The following MGST1 variants were observed in gnomAD, a reference collection of about 807,000 sequenced individuals.
MGST1 encodes the protein microsomal glutathione S-transferase 1.
Under a neutral mutation model 8.9 loss-of-function variants are expected in MGST1, and 5 were observed. The observed-to-expected ratio is 0.56, with a 90% confidence interval of 0.29 to 1.19. The LOEUF is 1.19. Ranked by LOEUF, MGST1 falls within the 50% of genes most tolerant of loss-of-function variation. MGST1 has a pLI of 0.08. For missense variants in MGST1, 182 were observed against 187.4 expected (o/e 0.97, Z 0.17); for synonymous variants, 54 against 67.8 (o/e 0.80, Z 1.00).
chr12:16,530,562 T>C (rs911637130), intron 4 of MGST1, among the ~76,000 whole-genome samples: 2 of 152,150 alleles, frequency 1.3e-5, no homozygotes, highest in South Asian at 4.1e-4. Flanking sequence ...TGCTGGCAAA[T>C]GGGAAAGAAG....
intron 4 of MGST1, among the ~76,000 whole-genome samples, chr12:16,505,772 A>G (rs533048914): frequency 3.3e-5 from 5 of 152,318 alleles, no homozygotes; most frequent in African/African-American, 9.6e-5. Flanking sequence ...TTCCATGCCT[A>G]AATACATTTG....
At chr12:16,506,921 T>C (rs1941541797) in intron 4 of MGST1, among the ~76,000 whole-genome samples, 1 of 152,204 alleles carries the variant, frequency 6.6e-6, no homozygotes, top group African/African-American at 2.4e-5. Context: ...AAGATAGTGA[T>C]GCTGCTGAAA....
chr12:16,515,584 C>T (rs1017151248), intron 4 of MGST1, among the ~76,000 whole-genome samples: 16 of 146,586 alleles, frequency 1.1e-4, no homozygotes, highest in South Asian at 2.1e-4. Flanking sequence ...GAGCCAAGAT[C>T]GTGCCATTGC....
At chr12:16,479,776 C>T (rs923570497) in intron 4 of MGST1, among the ~76,000 whole-genome samples, 6 of 150,688 alleles carry the variant, frequency 4.0e-5, no homozygotes, top group African/African-American at 7.3e-5. Context: ...CCTCAAGCAA[C>T]GCTCCTGCCT....
rs1940653994 is a variant in MGST1 at position 16,401,321 on chromosome 12, G to T, written n.778+17717G>T. On this transcript the variant is annotated intron_variant and non_coding_transcript_variant, in intron 1 of 1. Coordinates refer to the MGST1 transcript ENST00000359720. The surrounding 1 kb of genome is among the most constrained non-coding windows in gnomAD (Gnocchi z 4.3). The stretch of plus-strand genomic sequence containing the variant: ...ACCATTCCTGTCTTCAGTTTGTATT[G>T]ATTTTTACTATTGATTACTAGGAAG... The T allele has an allele frequency of 2.1e-6, 3 of 1,400,452 alleles. No homozygotes were observed. The South Asian group carries it at 3.5e-5, about 16-fold the overall frequency. The allele number at this position is 1,400,452 out of a possible 1,614,324, so 86.8% of individuals were successfully genotyped here.
chr12:16,403,957 T>C (rs1203697252), intron 1 of MGST1, among the ~76,000 whole-genome samples: 4 of 152,212 alleles, frequency 2.6e-5, no homozygotes, highest in Non-Finnish European at 5.9e-5. Flanking sequence ...AGATGAAATT[T>C]GGGTGGAACT....
At chr12:16,465,561 C>T (rs999664448) in intron 4 of MGST1, among the ~76,000 whole-genome samples, 3 of 152,098 alleles carry the variant, frequency 2.0e-5, no homozygotes, top group Admixed American at 2.0e-4. Flanking sequence ...GTAAACTGCA[C>T]GTGACGGATC....
intron 1 of MGST1, among the ~76,000 whole-genome samples, chr12:16,421,502 G>A (rs1221878308): frequency 1.3e-5 from 2 of 152,068 alleles, no homozygotes; most frequent in African/African-American, 4.8e-5. Flanking sequence ...TATTTACTGA[G>A]GACATAATAA....
At position 16,584,456 on chromosome 12, in the gene MGST1, C is replaced by T. The variant is rs1324359291; in HGVS notation, n.483-5072C>T. Among the ~76,000 whole-genome samples, 2 of 152,072 alleles carry T rather than the reference C, an allele frequency of 1.3e-5. No homozygotes were observed. The highest frequency in any genetic ancestry group is 2.9e-5 in the Non-Finnish European group (2 of 68,024). ...TTGTGGACACAGCAAAAGTTATTGA[C>T]AAGGACATGAGGTTTCTGGAGGACC... On this transcript the variant is annotated intron_variant and non_coding_transcript_variant, in intron 4 of 4. Coordinates refer to the MGST1 transcript ENST00000538857. This position sits in a 1 kb window ranked among gnomAD's most constrained non-coding sequence, Gnocchi z 5.2.
downstream of MGST1, among the ~76,000 whole-genome samples, chr12:16,377,760 T>C (rs1417356170): frequency 2.0e-5 from 3 of 151,910 alleles, no homozygotes; most frequent in Non-Finnish European, 4.4e-5. Flanking sequence ...ACAGTCCCAC[T>C]AACAGTGTAA....
intron 4 of MGST1, among the ~76,000 whole-genome samples, chr12:16,449,423 A>G (rs976172249): frequency 6.6e-6 from 1 of 151,898 alleles, no homozygotes; most frequent in Non-Finnish European, 1.5e-5. Context: ...CCCCACCTCC[A>G]ACACTGGGCA....
rs149831967 is a variant in MGST1, at chr12:16,532,382, G to A, written n.483-57146G>A. On this transcript the variant is annotated intron_variant and non_coding_transcript_variant, in intron 4 of 4. Transcript: ENST00000538857. ...AAGAAATTGAACTAAAATGGTTGCT[G>A]GGAGTTAAAAAAATTAACATTCTCA... Among the ~76,000 whole-genome samples the A allele has an allele frequency of 6.2e-4, 95 of 152,132 alleles. 1 individual carries two copies. The highest frequency in any genetic ancestry group is 2.2e-3 in the African/African-American group (91 of 41,486).
chr12:16,535,557 G>C (rs1299932105), intron 4 of MGST1, among the ~76,000 whole-genome samples: 4 of 152,190 alleles, frequency 2.6e-5, no homozygotes, highest in Non-Finnish European at 5.9e-5. Context: ...GGATTCCCCA[G>C]TTACATGCAG....
At chr12:16,550,247 C>T (rs952386565) in intron 4 of MGST1, 8 of 152,348 alleles carry the variant, frequency 5.3e-5, no homozygotes, top group African/African-American at 1.9e-4. Flanking sequence ...TTATGAAACC[C>T]TCAGCTCTTG....
chr12:16,501,098 G>GAAAAA (rs71054822), intron 4 of MGST1, among the ~76,000 whole-genome samples: 22 of 83,744 alleles, frequency 2.6e-4, no homozygotes, highest in African/African-American at 4.9e-4. Context: ...ACTCTGTCTC[G>GAAAAA]AAAAAAAAAA....
chr12:16,579,821 G>C (rs1364973457), intron 4 of MGST1, among the ~76,000 whole-genome samples: 1 of 152,212 alleles, frequency 6.6e-6, no homozygotes, highest in African/African-American at 2.4e-5. Flanking sequence ...TATAAATGTA[G>C]AAGTGATAGG....
At chr12:16,449,687 T>TA (rs1348388184) in intron 4 of MGST1, among the ~76,000 whole-genome samples, 17 of 151,944 alleles carry the variant, frequency 1.1e-4, no homozygotes, top group Admixed American at 9.2e-4. Context: ...GGCTTTGTGA[T>TA]AAAATCCTAC....
chr12:16,395,780 C>CATATATATATATATATATATATAT (rs369986291), intron 1 of MGST1, among the ~76,000 whole-genome samples: 171 of 121,472 alleles, frequency 1.4e-3, no homozygotes, highest in East Asian at 3.7e-3. Flanking sequence ...AGTATTCCAT[C>CATATATATATATATATATATATAT]ATATATATAT....
At chr12:16,519,225 T>C (rs572886427) in intron 4 of MGST1, among the ~76,000 whole-genome samples, 1 of 152,334 alleles carries the variant, frequency 6.6e-6, no homozygotes, top group South Asian at 2.1e-4. Context: ...GTAAATATTA[T>C]GCATAAAATA....
Sources: allele counts gnomAD v4.1 joint callset (sites outside exome capture counted in the v4.1 genomes callset), GRCh38; gene constraint gnomAD v4.1.1; non-coding constraint Gnocchi (gnomAD v3.1); transcripts MANE v1.5; gene names NCBI Gene and HGNC (gene_info 2026-07-23, HGNC 2026-07-21).